The following DOCK2 variants were observed in gnomAD, a reference collection of about 807,000 sequenced individuals.
DOCK2 encodes dedicator of cytokinesis 2.
A neutral mutation model predicts 248.9 loss-of-function variants in DOCK2; 87 were observed. The observed-to-expected ratio is 0.35, with a 90% CI of 0.29 to 0.42. DOCK2 has a LOEUF of 0.42. Ranked by LOEUF, DOCK2 falls within the 10% of genes least tolerant of loss-of-function variation. The probability of loss-of-function intolerance (pLI) is 1.00; values close to 1 mark genes in which losing one functional copy is unlikely to be tolerated. For synonymous variants in DOCK2, 805 were observed against 821.6 expected (o/e 0.98, Z 0.35); for missense variants, 1,747 against 2,300.2 (o/e 0.76, Z 4.92).
chr5:169,957,148 T>G (rs1181540510), intron 27 of DOCK2, among the ~76,000 whole-genome samples: 1 of 152,192 alleles, frequency 6.6e-6, no homozygotes, highest in African/African-American at 2.4e-5. Context: ...TATGTGTGAT[T>G]TGCTTCTCAT....
At chr5:169,741,485 T>C (rs1447984825) in intron 22 of DOCK2, among the ~76,000 whole-genome samples, 1 of 152,188 alleles carries the variant, frequency 6.6e-6, no homozygotes, top group Admixed American at 6.5e-5. Context: ...TCCTTGACTC[T>C]TGTCTTAAAG....
intron 27 of DOCK2, among the ~76,000 whole-genome samples, chr5:169,885,021 C>A (rs1297466066): frequency 1.3e-5 from 2 of 152,234 alleles, no homozygotes; most frequent in East Asian, 3.9e-4. Context: ...CTGCCTGGAC[C>A]CTTTTCTCTC....
At chr5:170,068,455 T>C (rs1394151255) in intron 45 of DOCK2, among the ~76,000 whole-genome samples, 1 of 152,224 alleles carries the variant, frequency 6.6e-6, no homozygotes, top group Non-Finnish European at 1.5e-5. Context: ...TATCCATTGA[T>C]GTAAAACTAA....
chr5:169,782,243 G>A (rs921298614), intron 25 of DOCK2, among the ~76,000 whole-genome samples: 15 of 152,152 alleles, frequency 9.9e-5, no homozygotes, highest in Non-Finnish European at 1.9e-4. Flanking sequence ...CTGAGCATAA[G>A]ATGTGTTGCT....
chr5:169,812,822 C>A (rs1439815550), intron 26 of DOCK2, among the ~76,000 whole-genome samples: 1 of 152,252 alleles, frequency 6.6e-6, no homozygotes, highest in South Asian at 2.1e-4. Context: ...AAAGTGGCTT[C>A]CTGGGAGAAT....
intron 1 of DOCK2, among the ~76,000 whole-genome samples, chr5:169,643,674 G>T (rs535938154): frequency 1.3e-4 from 20 of 152,252 alleles, no homozygotes; most frequent in Admixed American, 1.2e-3. Flanking sequence ...CCGGTCGGTG[G>T]CCTGGGGAGT....
At chr5:169,883,185 G>A in intron 27 of DOCK2, 1 of 1,551,634 alleles carries the variant, frequency 6.4e-7, no homozygotes, top group Non-Finnish European at 8.7e-7. Flanking sequence ...CTGGACGTGT[G>A]TCATCCAAAG....
At chr5:169,812,398 C>A (rs1029826523) in intron 26 of DOCK2, among the ~76,000 whole-genome samples, 1 of 152,160 alleles carries the variant, frequency 6.6e-6, no homozygotes, top group Non-Finnish European at 1.5e-5. Context: ...CCCACTGATT[C>A]CACATTATGT....
At chr5:170,033,750 T>C (rs890367881) in intron 34 of DOCK2, among the ~76,000 whole-genome samples, 2 of 152,254 alleles carry the variant, frequency 1.3e-5, no homozygotes, top group Non-Finnish European at 2.9e-5. Flanking sequence ...ACCCTGGCCA[T>C]GCTAAGCTCT....
chr5:169,778,925 G>A (rs753881774), intron 25 of DOCK2, among the ~76,000 whole-genome samples: 1 of 152,134 alleles, frequency 6.6e-6, no homozygotes, highest in Non-Finnish European at 1.5e-5. Context: ...TAAGTCTAAA[G>A]AAGTATGTGG....
intron 27 of DOCK2, among the ~76,000 whole-genome samples, chr5:169,848,809 G>C (rs1160818398): frequency 6.6e-6 from 1 of 152,070 alleles, no homozygotes; most frequent in African/African-American, 2.4e-5. Flanking sequence ...TGTTCAAAAA[G>C]AAAAAAGAAG....
intron 34 of DOCK2, among the ~76,000 whole-genome samples, chr5:170,033,135 T>G (rs1000363667): frequency 6.6e-6 from 1 of 152,144 alleles, no homozygotes. Context: ...GAAAAGTGAC[T>G]AGTACAGTGT....
At chr5:169,896,802 A>G (rs1773637388) in intron 27 of DOCK2, among the ~76,000 whole-genome samples, 1 of 152,210 alleles carries the variant, frequency 6.6e-6, no homozygotes. Flanking sequence ...GAGTCGATTG[A>G]TAATGTAGAA....
chr5:169,856,054 T>G (rs904207434), intron 27 of DOCK2, among the ~76,000 whole-genome samples: 3 of 152,120 alleles, frequency 2.0e-5, no homozygotes, highest in Admixed American at 1.3e-4. Flanking sequence ...TCAGATCTCA[T>G]GAGATCTCAC....
At chr5:169,945,063 G>A (rs1391598725) in intron 27 of DOCK2, among the ~76,000 whole-genome samples, 1 of 152,196 alleles carries the variant, frequency 6.6e-6, no homozygotes, top group East Asian at 1.9e-4. Flanking sequence ...GGACAAAAGA[G>A]CATTCACAGG....
chr5:169,954,505 T>C (rs1397252567), intron 27 of DOCK2, among the ~76,000 whole-genome samples: 1 of 152,216 alleles, frequency 6.6e-6, no homozygotes, highest in African/African-American at 2.4e-5. Context: ...GAAAGACCTC[T>C]TGGCCACCCC....
In DOCK2 at chr5:169,824,054, C is replaced by T. The variant is rs1192078786; in HGVS notation, c.2704-16703C>T. On this transcript the variant is annotated intron_variant, in intron 26 of 51. Coordinates refer to ENST00000520908, the MANE Select transcript of DOCK2 (RefSeq NM_004946.3). ...AAAGAGAATAAAATACCTAGGAATC[C>T]AACTTACAAGGGATGTGAAGGACCT... Among the ~76,000 whole-genome samples the T allele has an allele frequency of 2.0e-5, 3 of 152,190 alleles. No individual in the cohort carries two copies. In the East Asian group the frequency reaches 5.8e-4, roughly 29 times the overall value.
chr5:169,736,257 G>A (rs896101871), intron 22 of DOCK2, among the ~76,000 whole-genome samples: 4 of 152,108 alleles, frequency 2.6e-5, no homozygotes, highest in African/African-American at 9.7e-5. Context: ...TGCTTCCTGG[G>A]GTAAAGTGAT....
intron 26 of DOCK2, among the ~76,000 whole-genome samples, chr5:169,803,719 G>A (rs979889856): frequency 4.6e-5 from 7 of 152,272 alleles, no homozygotes; most frequent in South Asian, 2.1e-4. Context: ...GCCTGTGGCC[G>A]TGAAGTTACT....
Sources: allele counts gnomAD v4.1 joint callset (sites outside exome capture counted in the v4.1 genomes callset), GRCh38; gene constraint gnomAD v4.1.1; transcripts MANE v1.5; gene names NCBI Gene and HGNC (gene_info 2026-07-23, HGNC 2026-07-21).